The following HS6ST3 variants were observed in gnomAD, a reference collection of about 807,000 sequenced individuals.
HS6ST3 encodes the protein heparan sulfate 6-O-sulfotransferase 3.
A neutral mutation model predicts 36.7 loss-of-function variants in HS6ST3; 12 were observed. That is an observed-to-expected ratio of 0.33 (90% confidence interval 0.21 to 0.53). The LOEUF (loss-of-function observed/expected upper bound fraction) is 0.53, where lower values mean the gene tolerates loss of function less well. Among genes scored for constraint, HS6ST3 ranks in the 20% least tolerant of loss-of-function variants. The pLI is 0.95. For synonymous variants in HS6ST3, 240 were observed against 257.5 expected, an observed-to-expected ratio of 0.93 and a Z score of 0.65; for missense variants, 584 against 640.9, an observed-to-expected ratio of 0.91 and a Z score of 0.96.
At chr13:96,801,369 A>G (rs1878064835) in intron 1 of HS6ST3, among the ~76,000 whole-genome samples, 1 of 152,128 alleles carries the variant, frequency 6.6e-6, no homozygotes, top group African/African-American at 2.4e-5. Flanking sequence ...GGTATTTTAA[A>G]AAGGCTTTAA....
chr13:96,443,184 TG>T (rs1466890988), intron 1 of HS6ST3, among the ~76,000 whole-genome samples: 19 of 151,600 alleles, frequency 1.3e-4, no homozygotes, highest in African/African-American at 4.6e-4. Context: ...ATTTGAAAAA[TG>T]ATTTTTTTTG....
chr13:96,412,283 G>A (rs1330198144), intron 1 of HS6ST3, among the ~76,000 whole-genome samples: 2 of 152,114 alleles, frequency 1.3e-5, no homozygotes, highest in African/African-American at 2.4e-5. Flanking sequence ...GATTACAGGC[G>A]AGAGCCACTG....
intron 1 of HS6ST3, among the ~76,000 whole-genome samples, chr13:96,771,866 C>T (rs1877275047): frequency 6.6e-6 from 1 of 152,042 alleles, no homozygotes; most frequent in Non-Finnish European, 1.5e-5. Flanking sequence ...TATGTTTTGC[C>T]AAGGAGGTCA....
At chr13:96,690,106 C>T (rs925031607) in intron 1 of HS6ST3, among the ~76,000 whole-genome samples, 22 of 152,022 alleles carry the variant, frequency 1.4e-4, no homozygotes, top group Non-Finnish European at 2.6e-4. Flanking sequence ...TCCTTACGTC[C>T]TTACAAGGGG....
At chr13:96,668,373 C>T (rs1207444404) in intron 1 of HS6ST3, among the ~76,000 whole-genome samples, 5 of 152,128 alleles carry the variant, frequency 3.3e-5, no homozygotes, top group Admixed American at 6.6e-5. Context: ...ACAATATTCA[C>T]GAGGACACAC....
At chr13:96,273,978 C>G (rs1007362810) in intron 1 of HS6ST3, among the ~76,000 whole-genome samples, 2 of 134,088 alleles carry the variant, frequency 1.5e-5, no homozygotes, top group Admixed American at 7.5e-5. Flanking sequence ...CCTCCCTCCC[C>G]TCCTCCTCCC....
intron 1 of HS6ST3, among the ~76,000 whole-genome samples, chr13:96,607,483 A>G (rs1293567123): frequency 2.0e-5 from 3 of 152,204 alleles, no homozygotes; most frequent in African/African-American, 7.2e-5. Context: ...AACTAGAGAG[A>G]CATCATAAGA....
At chr13:96,510,085 A>AT (rs2056043070) in intron 1 of HS6ST3, among the ~76,000 whole-genome samples, 1 of 142,704 alleles carries the variant, frequency 7.0e-6, no homozygotes, top group Non-Finnish European at 1.5e-5. Context: ...ATTCCTAGGT[A>AT]TTTTTATTTT....
chr13:96,663,127 C>T (rs1327228763), intron 1 of HS6ST3, among the ~76,000 whole-genome samples: 1 of 152,088 alleles, frequency 6.6e-6, no homozygotes, highest in African/African-American at 2.4e-5. Flanking sequence ...ACAGGGGTGG[C>T]TGGGGGAGCT....
At chr13:96,585,345 T>A (rs763100360) in intron 1 of HS6ST3, among the ~76,000 whole-genome samples, 37 of 152,178 alleles carry the variant, frequency 2.4e-4, no homozygotes, top group Non-Finnish European at 3.4e-4. Context: ...TACATTTTTT[T>A]AAATTTTTAA....
intron 1 of HS6ST3, among the ~76,000 whole-genome samples, chr13:96,475,626 A>AG (rs980715220): frequency 3.9e-5 from 6 of 151,974 alleles, no homozygotes; most frequent in African/African-American, 1.4e-4. Flanking sequence ...AAAAAAAAAA[A>AG]AAAAGAAAAG....
intron 1 of HS6ST3, among the ~76,000 whole-genome samples, chr13:96,333,708 G>T (rs911070056): frequency 5.3e-5 from 8 of 152,142 alleles, no homozygotes; most frequent in African/African-American, 1.9e-4. Context: ...GGGGGTAGGT[G>T]CTTTATAAGA....
At chr13:96,348,755 G>A (rs1281021448) in intron 1 of HS6ST3, among the ~76,000 whole-genome samples, 2 of 152,174 alleles carry the variant, frequency 1.3e-5, no homozygotes, top group African/African-American at 2.4e-5. Flanking sequence ...AAAGGTGTGG[G>A]CACATCTTGG....
At chr13:96,155,896 A>G (rs772995007) in intron 1 of HS6ST3, among the ~76,000 whole-genome samples, 1 of 152,122 alleles carries the variant, frequency 6.6e-6, no homozygotes, top group Non-Finnish European at 1.5e-5. Flanking sequence ...CTGAAGACCT[A>G]TTTTTAGCCA....
At chr13:96,112,551 G>C (rs1192333482) in intron 1 of HS6ST3, among the ~76,000 whole-genome samples, 1 of 119,990 alleles carries the variant, frequency 8.3e-6, no homozygotes, top group Non-Finnish European at 1.7e-5. Flanking sequence ...TGGGCAACAT[G>C]ATAAAACCCC....
At chr13:96,156,012 G>A (rs1251047960) in intron 1 of HS6ST3, among the ~76,000 whole-genome samples, 3 of 152,094 alleles carry the variant, frequency 2.0e-5, no homozygotes, top group Non-Finnish European at 4.4e-5. Flanking sequence ...ACACCCTCAT[G>A]ATTGTCATTC....
intron 1 of HS6ST3, among the ~76,000 whole-genome samples, chr13:96,242,782 A>G (rs2054567034): frequency 6.6e-6 from 1 of 152,226 alleles, no homozygotes; most frequent in Admixed American, 6.5e-5. Flanking sequence ...TAAAAGATTT[A>G]GAAATAGAAT....
intron 1 of HS6ST3, among the ~76,000 whole-genome samples, chr13:96,798,293 T>C (rs1877963780): frequency 6.6e-6 from 1 of 152,000 alleles, no homozygotes; most frequent in Admixed American, 6.6e-5. Context: ...CTACATTACA[T>C]GGGCCCAATT....
Position 96,091,390 on chromosome 13 carries a change from C to A in HS6ST3, c.528C>A (p.Ser176Arg). Residue 176 changes from serine to arginine, a missense_variant, in exon 1 of 2, where the codon AGC (serine) becomes AGA (arginine). Transcript: ENST00000376705. The stretch of plus-strand genomic sequence containing the variant: ...ACATCCGGCTGGAGCAGCCTTGTAG[C>A]TGCAAAGCGGGTCAGAAGAAGTGCA... Reference protein sequence around the residue: ...VKNIRLEQPCSCKAGQKKCTC... With the variant: ...VKNIRLEQPCRCKAGQKKCTC... The A allele has an allele frequency of 6.2e-7, 1 of 1,613,852 alleles. No homozygotes were observed. Among genetic ancestry groups the A allele is most frequent in the Non-Finnish European group, 8.5e-7 (1 of 1,179,934 alleles).
Sources: gnomAD v4.1 joint callset for allele counts (sites outside exome capture counted in the v4.1 genomes callset) on GRCh38, gnomAD v4.1.1 for gene constraint, MANE v1.5 for transcripts, NCBI Gene and HGNC (gene_info 2026-07-23, HGNC 2026-07-21) for gene names.